WASF2: variants seen among roughly 807,000 people sequenced by gnomAD.
WASF2 encodes the protein WASP family member 2, also known as actin-binding protein WASF2.
In WASF2, 14 loss-of-function variants were observed where a neutral mutation model predicts 45.0. The observed-to-expected ratio is 0.31, with a 90% CI of 0.21 to 0.49. WASF2 has a LOEUF of 0.49. Ranked by LOEUF, WASF2 falls within the 20% of genes least tolerant of loss-of-function variation. The pLI, the probability that WASF2 is intolerant of heterozygous loss-of-function variation, is 0.99. For missense variants in WASF2, 439 were observed against 636.1 expected (o/e 0.69, Z 3.33); for synonymous variants, 200 against 236.3 (o/e 0.85, Z 1.41).
At position 27,485,107 on chromosome 1, in the gene WASF2, G is replaced by A. The variant is rs551394318; in HGVS notation, c.-44+4879C>T. 1.5e-3 allele frequency among the ~76,000 whole-genome samples: 223 copies of A among 151,966 alleles called. 1 individual carries two copies. The highest frequency in any genetic ancestry group is 5.0e-3 in the African/African-American group (208 of 41,450). On this transcript the variant is annotated intron_variant, in intron 1 of 8. Coordinates refer to ENST00000618852, the MANE Select transcript of WASF2 (RefSeq NM_006990.5). ...AGAGGTAGCAGTGAGCCAAGATTGC[G>A]CCATTGTACTCCAGGCTGGGCAATA...
At chr1:27,440,479 A>G (rs1270398574) in intron 1 of WASF2, among the ~76,000 whole-genome samples, 1 of 151,974 alleles carries the variant, frequency 6.6e-6, no homozygotes, top group African/African-American at 2.4e-5. Context: ...CAGTGATCAC[A>G]CCACTGCACT....
chr1:27,461,756 G>A (rs925144063), intron 1 of WASF2, among the ~76,000 whole-genome samples: 1 of 152,000 alleles, frequency 6.6e-6, no homozygotes, highest in African/African-American at 2.4e-5. Flanking sequence ...TTACAGGCGT[G>A]AGCCACCGCG....
At chr1:27,422,635 A>AC (rs1484324591) in intron 2 of WASF2, among the ~76,000 whole-genome samples, 33 of 151,066 alleles carry the variant, frequency 2.2e-4, no homozygotes, top group Non-Finnish European at 4.1e-4. Flanking sequence ...AAAAAAAAAA[A>AC]AGAAAATTGG....
Position 27,418,398 on chromosome 1 carries a change from C to A in WASF2, c.290G>T (p.Arg97Leu). 6.2e-7 allele frequency: 1 copy of A among 1,614,204 alleles called. No individual in the cohort carries two copies. The highest frequency in any genetic ancestry group is 8.5e-7 in the Non-Finnish European group (1 of 1,180,046). ...EEVSLQGINTRKAFRSSTIQD... is the reference protein window; with the variant it reads ...EEVSLQGINTLKAFRSSTIQD... ...AATGGTGGAACTTCTGAAGGCTTTTCGGGTGTTGATTCCTTGCAGTGACAC... is the reference window on the plus strand; with the variant it reads ...AATGGTGGAACTTCTGAAGGCTTTTAGGGTGTTGATTCCTTGCAGTGACAC... The change falls in exon 4 of 9, where the codon CGA becomes CTA. Residue 97 changes from arginine (R) to leucine (L), a missense_variant. This residue lies in a region of WASF2 where 98 missense variants were observed against 120.7 expected (regional missense o/e 0.81). Coordinates refer to ENST00000618852, the MANE Select transcript of WASF2 (RefSeq NM_006990.5).
At chr1:27,477,743 C>CA (rs1394223823) in intron 1 of WASF2, among the ~76,000 whole-genome samples, 8 of 128,782 alleles carry the variant, frequency 6.2e-5, no homozygotes, top group Admixed American at 2.9e-4. Flanking sequence ...ACTAAAAATA[C>CA]AAAAAATTAG....
At chr1:27,432,282 C>A (rs1334232492) in intron 1 of WASF2, among the ~76,000 whole-genome samples, 1 of 151,978 alleles carries the variant, frequency 6.6e-6, no homozygotes. Context: ...ACTGTGTGAT[C>A]TTGGGGGCAA....
At chr1:27,420,513 GCT>G (rs1491454227) in intron 2 of WASF2, among the ~76,000 whole-genome samples, 3 of 94,988 alleles carry the variant, frequency 3.2e-5, no homozygotes, top group African/African-American at 1.1e-4. Context: ...TACCATCTGA[GCT>G]TTTTTTTTTT....
intron 1 of WASF2, among the ~76,000 whole-genome samples, chr1:27,429,862 A>T (rs1325747757): frequency 6.6e-6 from 1 of 152,202 alleles, no homozygotes; most frequent in Non-Finnish European, 1.5e-5. Flanking sequence ...GAGAATATAA[A>T]GTAAAAATTT....
chr1:27,474,121 C>T (rs894387499), intron 1 of WASF2, among the ~76,000 whole-genome samples: 5 of 152,080 alleles, frequency 3.3e-5, no homozygotes, highest in African/African-American at 1.2e-4. Context: ...AACATTATAA[C>T]GCAATGAAGG....
intron 1 of WASF2, among the ~76,000 whole-genome samples, chr1:27,454,143 G>A (rs1320628688): frequency 1.9e-3 from 37 of 19,360 alleles, no homozygotes; most frequent in South Asian, 4.8e-3. Context: ...ATATGTGTGT[G>A]TGTGTGTGTG....
rs558149669 is a variant in WASF2 at position 27,460,570 on chromosome 1, T to C, written c.-44+29416A>G. Among the ~76,000 whole-genome samples, 3 of 152,306 alleles carry C rather than the reference T, an allele frequency of 2.0e-5. 1 individual carries two copies. In the South Asian group the frequency reaches 6.2e-4, roughly 32 times the overall value. On this transcript the variant is annotated intron_variant, in intron 1 of 8. Coordinates refer to ENST00000618852, the MANE Select transcript of WASF2 (RefSeq NM_006990.5). ...ACATCAATCATCCCAGAGTGATTAT[T>C]AAAAGTATTTTCTCTCACTCTTAAA... is the stretch of plus-strand genomic sequence containing the variant.
intron 1 of WASF2, among the ~76,000 whole-genome samples, chr1:27,432,349 TA>T (rs1471072878): frequency 6.6e-6 from 1 of 151,904 alleles, no homozygotes; most frequent in Non-Finnish European, 1.5e-5. Context: ...ACAGGGCTTT[TA>T]AAAAAAGGCA....
At chr1:27,452,312 A>G (rs1021104136) in intron 1 of WASF2, among the ~76,000 whole-genome samples, 9 of 152,202 alleles carry the variant, frequency 5.9e-5, no homozygotes, top group Non-Finnish European at 1.2e-4. Context: ...CAAAAGATCA[A>G]GACCATCTTG....
At chr1:27,488,172 T>C (rs534484926) in intron 1 of WASF2, among the ~76,000 whole-genome samples, 1 of 152,120 alleles carries the variant, frequency 6.6e-6, no homozygotes, top group South Asian at 2.1e-4. Context: ...CCTCTTCCAA[T>C]TTTCTTCTCC....
In WASF2 at chr1:27,405,148, G is replaced by GT. The variant is rs2016648018; in HGVS notation, c.*3040dup. On this transcript the variant is annotated 3_prime_UTR_variant, in exon 9 of 9. Transcript: ENST00000618852. ...CACGGGAAGAGATTTCACATTAGCC[G>GT]TGACAACACCGCCTCGGCTCTGCGT... is the stretch of plus-strand genomic sequence containing the variant. The GT allele has an allele frequency of 6.6e-6, 1 of 152,266 alleles. No individual in the cohort carries two copies. Among genetic ancestry groups the GT allele is most frequent in the African/African-American group, 2.4e-5 (1 of 41,446 alleles). 9.4% of individuals were successfully genotyped at this position (152,266 alleles called of 1,614,324 possible). A position where few individuals can be genotyped will look rare whatever the true frequency, so the allele number is the denominator to read the frequency against.
chr1:27,432,540 C>T (rs1311394949), intron 1 of WASF2, among the ~76,000 whole-genome samples: 3 of 143,284 alleles, frequency 2.1e-5, no homozygotes, highest in African/African-American at 7.8e-5. Flanking sequence ...CCCAGCTACT[C>T]GGGAGGCTGA....
At chr1:27,443,881 A>G (rs539557531) in intron 1 of WASF2, among the ~76,000 whole-genome samples, 1 of 152,072 alleles carries the variant, frequency 6.6e-6, no homozygotes, top group South Asian at 2.1e-4. Context: ...TCTGGGTTCA[A>G]GTGATTCTCC....
intron 1 of WASF2, among the ~76,000 whole-genome samples, chr1:27,484,955 C>A (rs1473525949): frequency 6.6e-6 from 1 of 151,442 alleles, no homozygotes; most frequent in Non-Finnish European, 1.5e-5. Context: ...TTCAAGACCA[C>A]CCTGGCCAAC....
chr1:27,440,898 C>T (rs1571139408), intron 1 of WASF2, among the ~76,000 whole-genome samples: 1 of 151,856 alleles, frequency 6.6e-6, no homozygotes, highest in East Asian at 1.9e-4. Flanking sequence ...TGAGGTTTCA[C>T]TCTTGTCACC....
Sources: allele counts gnomAD v4.1 joint callset (sites outside exome capture counted in the v4.1 genomes callset), GRCh38; gene constraint gnomAD v4.1.1; regional missense constraint gnomAD v4.1.1; transcripts MANE v1.5; gene names NCBI Gene and HGNC (gene_info 2026-07-23, HGNC 2026-07-21).